The following STPG2 variants were observed in gnomAD, a reference collection of about 807,000 sequenced individuals.
STPG2 encodes the protein sperm tail PG-rich repeat containing 2.
Under a neutral mutation model 54.2 loss-of-function variants are expected in STPG2, and 56 were observed. The ratio of observed to expected loss-of-function variants is 1.03; its 90% CI spans 0.83 to 1.29. The LOEUF (loss-of-function observed/expected upper bound fraction) is 1.29, where lower values mean the gene tolerates loss of function less well. Ranked by LOEUF, STPG2 falls within the 50% of genes most tolerant of loss-of-function variation. The pLI, the probability that STPG2 is intolerant of heterozygous loss-of-function variation, is 0.00. For synonymous variants in STPG2, 200 were observed against 181.8 expected (o/e 1.10, Z -0.81); for missense variants, 596 against 544.9 (o/e 1.09, Z -0.93).
chr4:97,487,310 G>C (rs911710466), intron 4 of STPG2, among the ~76,000 whole-genome samples: 5 of 151,380 alleles, frequency 3.3e-5, no homozygotes, highest in African/African-American at 1.2e-4. Context: ...TTACAGGTAA[G>C]GAGTCACAGA....
chr4:97,714,102 C>G (rs1174483832), intron 9 of STPG2, among the ~76,000 whole-genome samples: 1 of 151,916 alleles, frequency 6.6e-6, no homozygotes, highest in African/African-American at 2.4e-5. Flanking sequence ...TAAATATAAA[C>G]AGTGAAATAG....
At chr4:98,006,130 G>C (rs950432087) in intron 5 of STPG2, among the ~76,000 whole-genome samples, 51 of 152,144 alleles carry the variant, frequency 3.4e-4, no homozygotes, top group Admixed American at 3.3e-3. Context: ...TTCACACTGT[G>C]AAACTTTATT....
intron 9 of STPG2, among the ~76,000 whole-genome samples, chr4:97,818,372 G>C (rs1212962621): frequency 6.6e-6 from 1 of 151,638 alleles, no homozygotes; most frequent in African/African-American, 2.4e-5. Flanking sequence ...ATTAGGCATA[G>C]TAAGAATGAC....
At chr4:97,465,185 C>A (rs1237950859) in intron 4 of STPG2, among the ~76,000 whole-genome samples, 1 of 152,098 alleles carries the variant, frequency 6.6e-6, no homozygotes, top group Non-Finnish European at 1.5e-5. Context: ...TCAAAATTAC[C>A]ATTGTACTTA....
intron 4 of STPG2, among the ~76,000 whole-genome samples, chr4:97,509,018 T>C (rs1291113807): frequency 2.0e-5 from 3 of 152,126 alleles, no homozygotes; most frequent in Admixed American, 2.0e-4. Context: ...TATTTTCCTA[T>C]TGTTGTGTAT....
intron 5 of STPG2, among the ~76,000 whole-genome samples, chr4:98,070,112 T>C (rs1737955649): frequency 6.6e-6 from 1 of 151,740 alleles, no homozygotes; most frequent in African/African-American, 2.4e-5. Context: ...ATGCAAAAAT[T>C]CCTCAAAAAA....
chr4:97,991,363 GTGTATATATATA>G (rs1349092822), intron 5 of STPG2, among the ~76,000 whole-genome samples: 1 of 147,206 alleles, frequency 6.8e-6, no homozygotes, highest in East Asian at 2.0e-4. Context: ...TGTGTGTGTG[GTGTATATATATA>G]TGTATATATA....
chr4:97,804,332 G>A (rs755307748), intron 9 of STPG2, among the ~76,000 whole-genome samples: 53 of 152,224 alleles, frequency 3.5e-4, no homozygotes, highest in Admixed American at 1.0e-3. Context: ...TAATGGAGCT[G>A]AAAAATTCCT....
intron 7 of STPG2, among the ~76,000 whole-genome samples, chr4:97,965,414 C>A (rs901196432): frequency 6.6e-6 from 1 of 152,214 alleles, no homozygotes; most frequent in African/African-American, 2.4e-5. Context: ...GTGGGCAGGG[C>A]ATAGTGAAAC....
At chr4:97,648,803 T>C (rs1721984337) in intron 10 of STPG2, among the ~76,000 whole-genome samples, 1 of 152,172 alleles carries the variant, frequency 6.6e-6, no homozygotes, top group Non-Finnish European at 1.5e-5. Flanking sequence ...CTTGTTATTG[T>C]AGTTGTATTA....
chr4:97,917,090 T>C (rs2149205425), intron 8 of STPG2: 1 of 152,774 alleles, frequency 6.5e-6, no homozygotes, highest in Middle Eastern at 3.4e-3. Context: ...TATCTCCCTC[T>C]TTAACTGTGC....
intron 5 of STPG2, among the ~76,000 whole-genome samples, chr4:98,033,520 A>G (rs1166140715): frequency 6.6e-6 from 1 of 152,190 alleles, no homozygotes; most frequent in Non-Finnish European, 1.5e-5. Context: ...ATTCTACCAA[A>G]GGTACAAAGT....
chr4:98,007,854 AAGC>A, intron 5 of STPG2, among the ~76,000 whole-genome samples: 1 of 152,192 alleles, frequency 6.6e-6, no homozygotes, highest in South Asian at 2.1e-4. Context: ...AGGCTAAATC[AAGC>A]AGAAGAGAAT....
intron 10 of STPG2, among the ~76,000 whole-genome samples, chr4:97,658,600 C>A (rs1440112808): frequency 6.6e-6 from 1 of 152,130 alleles, no homozygotes; most frequent in Non-Finnish European, 1.5e-5. Flanking sequence ...CAAAGGATAT[C>A]TCAGCAGTAG....
At chr4:97,784,703 T>A (rs943592155) in intron 9 of STPG2, among the ~76,000 whole-genome samples, 6 of 33,278 alleles carry the variant, frequency 1.8e-4, no homozygotes, top group African/African-American at 7.3e-4. Flanking sequence ...ATTACTATAG[T>A]ATTACAAAGA....
intron 9 of STPG2, among the ~76,000 whole-genome samples, chr4:97,810,343 A>T (rs1727696938): frequency 6.6e-6 from 1 of 152,008 alleles, no homozygotes; most frequent in South Asian, 2.1e-4. Context: ...GTGTGCCTGT[A>T]GTCCCAGCTA....
chr4:97,562,163 C>T (rs1475883186), intron 10 of STPG2, among the ~76,000 whole-genome samples: 4 of 151,964 alleles, frequency 2.6e-5, no homozygotes, highest in South Asian at 2.1e-4. Context: ...TCACGTCCCT[C>T]GTAAGGTGGA....
intron 8 of STPG2, among the ~76,000 whole-genome samples, chr4:97,939,565 G>A (rs1732897452): frequency 1.3e-5 from 2 of 152,110 alleles, no homozygotes; most frequent in South Asian, 4.1e-4. Flanking sequence ...GCCCTTCTTT[G>A]TCATTTCTGA....
At chr4:97,738,086 C>T (rs933663844) in intron 9 of STPG2, among the ~76,000 whole-genome samples, 4 of 152,098 alleles carry the variant, frequency 2.6e-5, no homozygotes, top group African/African-American at 7.2e-5. Flanking sequence ...AATGTTCAAC[C>T]CAGAATTTCA....
Sources: allele counts gnomAD v4.1 joint callset (sites outside exome capture counted in the v4.1 genomes callset), GRCh38; gene constraint gnomAD v4.1.1; transcripts MANE v1.5; gene names NCBI Gene and HGNC (gene_info 2026-07-23, HGNC 2026-07-21).